DDX52: variants seen among roughly 807,000 people sequenced by gnomAD.
The protein encoded by DDX52 is probable ATP-dependent RNA helicase DDX52.
In DDX52, 59 loss-of-function variants were observed where a neutral mutation model predicts 76.1. The observed-to-expected ratio is 0.78, with a 90% CI of 0.63 to 0.96. DDX52 has a LOEUF of 0.96. Among genes scored for constraint, DDX52 ranks in the 40% least tolerant of loss-of-function variants. The pLI is 0.00. For missense variants in DDX52, 707 were observed against 703.9 expected (o/e 1.00, Z -0.05); for synonymous variants, 231 against 244.1 (o/e 0.95, Z 0.50).
Position 37,612,054 on chromosome 17 carries a change from A to G in DDX52, c.*2242T>C, listed in dbSNP as rs1324014399. ...AAGAAAAAATATATATCTAATATAT[A>G]TAATACATAATATATATAATGTGTG... On this transcript the variant is annotated 3_prime_UTR_variant, in exon 15 of 15. Coordinates refer to ENST00000617633, the MANE Select transcript of DDX52 (RefSeq NM_007010.5). The G allele has an allele frequency of 1.3e-5, 2 of 149,650 alleles. No homozygotes were observed. Among genetic ancestry groups the G allele is most frequent in the Admixed American group, 1.3e-4 (2 of 14,946 alleles). The allele number at this position is 149,650 out of a possible 1,614,324, so 9.3% of individuals were successfully genotyped here.
Position 37,643,340 on chromosome 17 carries a change from T to C in DDX52, c.81A>G (p.Arg27=). The C allele has an allele frequency of 1.2e-6, 2 of 1,613,782 alleles. No homozygotes were observed. The highest frequency in any genetic ancestry group is 1.7e-6 in the Non-Finnish European group (2 of 1,179,782). The part of the protein sequence containing the change: ...DTRRFSADAA[R]FQIGKRKYDF... ...GGTCCCTTGGGCACAGTACCTGGAA[T>C]CGAGCTGCGTCTGCCGAGAAGCGTC... The change falls in exon 1 of 15, where the codon CGA becomes CGG. Residue 27 remains arginine (R), a synonymous_variant. Coordinates refer to ENST00000617633, the MANE Select transcript of DDX52 (RefSeq NM_007010.5).
At chr17:37,620,103 A>T in intron 12 of DDX52, 2 of 376,624 alleles carry the variant, frequency 5.3e-6, no homozygotes, top group Non-Finnish European at 9.6e-6. Flanking sequence ...TGGTAAACTC[A>T]ATCTTGGAGG....
Position 37,643,304 on chromosome 17 carries a change from ACTCGGCCCTCGGT to A in DDX52, c.87+17_87+29del. On this transcript the variant is annotated intron_variant, in intron 1 of 14. Coordinates refer to ENST00000617633, the MANE Select transcript of DDX52 (RefSeq NM_007010.5). The stretch of plus-strand genomic sequence containing the variant: ...CCCGGGCTCCTGCTCCTTCTCAGTT[ACTCGGCCCTCGGT>A]CCCTTGGGCACAGTACCTGGAATCG... 6.3e-7 allele frequency: 1 copy of A among 1,597,488 alleles called. No homozygotes were observed. The highest frequency in any genetic ancestry group is 8.6e-7 in the Non-Finnish European group (1 of 1,168,176).
intron 2 of DDX52, among the ~76,000 whole-genome samples, chr17:37,637,066 G>C (rs1179437546): frequency 6.6e-6 from 1 of 152,156 alleles, no homozygotes; most frequent in African/African-American, 2.4e-5. Flanking sequence ...TTGGGCTAAA[G>C]CAATCCTCCT....
intron 7 of DDX52, among the ~76,000 whole-genome samples, 199 bp downstream of exon 7, chr17:37,626,589 C>T (rs1480231991): frequency 6.6e-6 from 1 of 152,170 alleles, no homozygotes; most frequent in Admixed American, 6.5e-5. Flanking sequence ...GCTTAATGTA[C>T]CTATTCCAAT....
At chr17:37,636,116 T>C (rs2030911756) in intron 2 of DDX52, among the ~76,000 whole-genome samples, 1 of 152,220 alleles carries the variant, frequency 6.6e-6, no homozygotes, top group Non-Finnish European at 1.5e-5. Context: ...AAGTCCAATA[T>C]ATCAATTTTT....
In DDX52 at chr17:37,643,433, A is replaced by G. The variant is rs751004984; in HGVS notation, c.-13T>C. On this transcript the variant is annotated 5_prime_UTR_variant, in exon 1 of 15. Coordinates refer to ENST00000617633, the MANE Select transcript of DDX52 (RefSeq NM_007010.5). Reference sequence around the variant, plus strand: ...CGTGGACGTCCATCTTTACCCAGAAAGCGCCACAGTTCTACGGCGCCTGCG... The same window carrying G: ...CGTGGACGTCCATCTTTACCCAGAAGGCGCCACAGTTCTACGGCGCCTGCG... 19 of 1,613,534 alleles carry G rather than the reference A, an allele frequency of 1.2e-5. No homozygotes were observed. Among genetic ancestry groups the G allele is most frequent in the Non-Finnish European group, 1.6e-5 (19 of 1,179,782 alleles).
rs1478961141 is a variant in DDX52, at chr17:37,613,399, T to C, written c.*897A>G. The C allele has an allele frequency of 6.6e-6, 1 of 152,152 alleles. No individual in the cohort carries two copies. The highest frequency in any genetic ancestry group is 1.5e-5 in the Non-Finnish European group (1 of 68,018). 9.4% of individuals were successfully genotyped at this position (152,152 alleles called of 1,614,324 possible). On this transcript the variant is annotated 3_prime_UTR_variant, in exon 15 of 15. Transcript: ENST00000617633. The stretch of plus-strand genomic sequence containing the variant: ...CAAGTAACAAGAACATTCTTCCTTA[T>C]CAGGATAAAATGTTTATCAGTATTC...
At position 37,613,807 on chromosome 17, in the gene DDX52, C is replaced by T. The variant is rs1228997007; in HGVS notation, c.*489G>A. 1 of 152,912 alleles carries T rather than the reference C, an allele frequency of 6.5e-6. No individual in the cohort carries two copies. Among genetic ancestry groups the T allele is most frequent in the Non-Finnish European group, 1.5e-5 (1 of 68,234 alleles). 9.5% of individuals were successfully genotyped at this position (152,912 alleles called of 1,614,324 possible). A position where few individuals can be genotyped will look rare whatever the true frequency, so the allele number is the denominator to read the frequency against. On this transcript the variant is annotated 3_prime_UTR_variant, in exon 15 of 15. Coordinates refer to ENST00000617633, the MANE Select transcript of DDX52 (RefSeq NM_007010.5). ...GTTCCAGATGCCTCTCCACAGCATT[C>T]ATCACACCTTCCTTCACACTTGAAG...
chr17:37,643,256 C>G, intron 1 of DDX52, 78 bp downstream of exon 1: 1 of 1,476,690 alleles, frequency 6.8e-7, no homozygotes. Flanking sequence ...AGTGCGCCGG[C>G]CTCCCCCAGC....
intron 1 of DDX52, 54 bp from the exon 2 acceptor site, chr17:37,642,362 A>T: frequency 6.4e-7 from 1 of 1,551,978 alleles, no homozygotes; most frequent in Non-Finnish European, 8.7e-7. Context: ...CATTGCTTTC[A>T]TTCAAGCAAG....
intron 8 of DDX52, among the ~76,000 whole-genome samples, 168 bp downstream of exon 8, chr17:37,625,727 T>C (rs1000091160): frequency 1.3e-5 from 2 of 152,144 alleles, no homozygotes; most frequent in East Asian, 3.8e-4. Context: ...TAGATTACTC[T>C]AAAATAGAAA....
intron 1 of DDX52, chr17:37,642,673 AC>A: frequency 4.2e-6 from 1 of 239,858 alleles, no homozygotes; most frequent in Non-Finnish European, 8.0e-6. Context: ...TAACTGGCAG[AC>A]TTAGCATTTA....
intron 2 of DDX52, 91 bp from the exon 3 acceptor site, chr17:37,633,509 A>C: frequency 2.8e-6 from 3 of 1,073,832 alleles, no homozygotes; most frequent in Non-Finnish European, 2.4e-6. Flanking sequence ...AAAATTAGTC[A>C]AGGGTGGGTG....
At position 37,612,258 on chromosome 17, in the gene DDX52, T is replaced by C. The variant is rs1208776181; in HGVS notation, c.*2038A>G. Reference sequence around the variant, plus strand: ...TAACTTTTTTTGGTATTTTTTTTAGTAGAGATGGGGTTTTGCCATGTTGCC... The same window carrying C: ...TAACTTTTTTTGGTATTTTTTTTAGCAGAGATGGGGTTTTGCCATGTTGCC... On this transcript the variant is annotated 3_prime_UTR_variant, in exon 15 of 15. Transcript: ENST00000617633. 1.3e-5 allele frequency: 2 copies of C among 152,000 alleles called. No homozygotes were observed. Among genetic ancestry groups the C allele is most frequent in the African/African-American group, 2.4e-5 (1 of 41,362 alleles). 9.4% of individuals were successfully genotyped at this position (152,000 alleles called of 1,614,324 possible). A position where few individuals can be genotyped will look rare whatever the true frequency, so the allele number is the denominator to read the frequency against.
In DDX52 at chr17:37,611,956, C is replaced by CAAAAAAA. The variant is rs200545664; in HGVS notation, c.*2333_*2339dup. The stretch of plus-strand genomic sequence containing the variant: ...AAATTAGGTAACAGACCCTGTTTCT[C>CAAAAAAA]AAAAAAAAAAAAAAAAACAAAACAA... On this transcript the variant is annotated 3_prime_UTR_variant, in exon 15 of 15. Transcript: ENST00000617633. The CAAAAAAA allele has an allele frequency of 6.2e-5, 4 of 64,644 alleles. No homozygotes were observed. The highest frequency in any genetic ancestry group is 2.0e-4 in the African/African-American group (4 of 20,032). The allele number at this position is 64,644 out of a possible 1,614,324, so 4.0% of individuals were successfully genotyped here.
chr17:37,632,599 G>A (rs1304655162), intron 3 of DDX52, among the ~76,000 whole-genome samples: 1 of 152,138 alleles, frequency 6.6e-6, no homozygotes. Flanking sequence ...TAATATGGTG[G>A]TTAACATACA....
Position 37,613,455 on chromosome 17 carries a change from G to A in DDX52, c.*841C>T, listed in dbSNP as rs1011926289. 1 of 152,164 alleles carries A rather than the reference G, an allele frequency of 6.6e-6. No homozygotes were observed. The highest frequency in any genetic ancestry group is 1.5e-5 in the Non-Finnish European group (1 of 68,026). The allele number at this position is 152,164 out of a possible 1,614,324, so 9.4% of individuals were successfully genotyped here. A position where few individuals can be genotyped will look rare whatever the true frequency, so the allele number is the denominator to read the frequency against. ...AAATATCTTAAATGGAAAGAGACAG[G>A]AAAGAACATGGTTAAATCACAGAAA... On this transcript the variant is annotated 3_prime_UTR_variant, in exon 15 of 15. Transcript: ENST00000617633.
chr17:37,632,857 A>G (rs1370532928), intron 3 of DDX52, among the ~76,000 whole-genome samples: 1 of 152,214 alleles, frequency 6.6e-6, no homozygotes, highest in Non-Finnish European at 1.5e-5. Context: ...TGTTTCTTCC[A>G]TATCCTACTC....
Sources: allele counts gnomAD v4.1 joint callset (sites outside exome capture counted in the v4.1 genomes callset), GRCh38; gene constraint gnomAD v4.1.1; transcripts MANE v1.5; gene names NCBI Gene and HGNC (gene_info 2026-07-23, HGNC 2026-07-21).